The following AGGF1 variants were observed in gnomAD, a reference collection of about 807,000 sequenced individuals.
AGGF1 encodes the protein angiogenic factor with G patch and FHA domains 1.
Under a neutral mutation model 86.5 loss-of-function variants are expected in AGGF1, and 56 were observed. The observed-to-expected ratio is 0.65, with a 90% confidence interval of 0.52 to 0.81. The LOEUF is 0.81. Ranked by LOEUF, AGGF1 falls within the 30% of genes least tolerant of loss-of-function variation. The probability of loss-of-function intolerance (pLI) is 0.00; values close to 1 mark genes in which losing one functional copy is unlikely to be tolerated. For missense variants in AGGF1, 816 were observed against 850.9 expected (o/e 0.96, Z 0.51); for synonymous variants, 313 against 297.1 (o/e 1.05, Z -0.55).
chr5:77,037,083 A>G (rs1190299251), intron 4 of AGGF1, among the ~76,000 whole-genome samples: 1 of 152,220 alleles, frequency 6.6e-6, no homozygotes, highest in African/African-American at 2.4e-5. Flanking sequence ...ACTCAAAACT[A>G]TTTGACAGAA....
At chr5:77,050,117 T>A (rs1050909662) in intron 8 of AGGF1, among the ~76,000 whole-genome samples, 1 of 152,042 alleles carries the variant, frequency 6.6e-6, no homozygotes, top group Non-Finnish European at 1.5e-5. Flanking sequence ...GAAAAAGTCC[T>A]CTTAATTTTA....
chr5:77,060,628 T>A (rs921864204), intron 12 of AGGF1, among the ~76,000 whole-genome samples: 2 of 152,204 alleles, frequency 1.3e-5, no homozygotes, highest in African/African-American at 4.8e-5. Flanking sequence ...CATGTAGAAC[T>A]GATAACTAAT....
At position 77,030,995 on chromosome 5, in the gene AGGF1, C is replaced by T. The variant is rs1473004600; in HGVS notation, c.210+19C>T. 1.2e-6 allele frequency: 2 copies of T among 1,610,422 alleles called. No individual in the cohort carries two copies. The highest frequency in any genetic ancestry group is 2.7e-5 in the African/African-American group (2 of 74,930). ...CACGCAGGTGCGCGGTCCTCCTCAGCCCCGCGCCCCATCCAGCCCAGGCGA... is the reference window on the plus strand; with the variant it reads ...CACGCAGGTGCGCGGTCCTCCTCAGTCCCGCGCCCCATCCAGCCCAGGCGA... On this transcript the variant is annotated intron_variant, in intron 1 of 13. Transcript: ENST00000312916.
intron 9 of AGGF1, among the ~76,000 whole-genome samples, chr5:77,053,672 A>G (rs1233192698): frequency 6.6e-6 from 1 of 152,114 alleles, no homozygotes; most frequent in East Asian, 1.9e-4. Context: ...TGTGATGATT[A>G]TATGTTTTGG....
Position 77,030,510 on chromosome 5 carries a change from A to G in AGGF1, c.-257A>G. The G allele has an allele frequency of 1.5e-6, 1 of 662,890 alleles. No individual in the cohort carries two copies. The highest frequency in any genetic ancestry group is 2.8e-6 in the Non-Finnish European group (1 of 360,234). 41.1% of individuals were successfully genotyped at this position (662,890 alleles called of 1,614,324 possible). ...CTCTGTCTCTGTAGCTGGAGAAGGT[A>G]GTTTCCAGGAAAGTTTTCCGGTTTG... On this transcript the variant is annotated 5_prime_UTR_variant, in exon 1 of 14. Transcript: ENST00000312916.
chr5:77,059,462 A>G (rs75166826), intron 11 of AGGF1, among the ~76,000 whole-genome samples, 154 bp from the exon 12 acceptor site: 18,713 of 152,182 alleles, frequency 0.12, 1,251 homozygotes, highest in East Asian at 0.28. Context: ...GATTATAGGC[A>G]TGAGCCACCT....
At chr5:77,060,530 A>T (rs1747538054) in intron 12 of AGGF1, among the ~76,000 whole-genome samples, 1 of 152,230 alleles carries the variant, frequency 6.6e-6, no homozygotes, top group South Asian at 2.1e-4. Context: ...GGTTTGTAAT[A>T]TGACCGTATT....
At chr5:77,057,640 C>T (rs962230851) in intron 11 of AGGF1, among the ~76,000 whole-genome samples, 12 of 152,154 alleles carry the variant, frequency 7.9e-5, no homozygotes, top group African/African-American at 2.9e-4. Flanking sequence ...TGACAGAAGC[C>T]TAGGATTTAT....
intron 13 of AGGF1, 106 bp from the exon 14 acceptor site, chr5:77,062,946 A>T: frequency 8.5e-7 from 1 of 1,175,338 alleles, no homozygotes; most frequent in South Asian, 1.3e-5. Flanking sequence ...TTTCTTTTGC[A>T]TCAATCTTTA....
intron 12 of AGGF1, among the ~76,000 whole-genome samples, chr5:77,061,106 A>T (rs1236949484): frequency 1.3e-5 from 2 of 152,214 alleles, no homozygotes; most frequent in Non-Finnish European, 2.9e-5. Context: ...TACACAAATT[A>T]TAAGTATATA....
In AGGF1 at chr5:77,063,620, A is replaced by G. The variant is rs1343897746; in HGVS notation, c.*368A>G. On this transcript the variant is annotated 3_prime_UTR_variant, in exon 14 of 14. Coordinates refer to ENST00000312916, the MANE Select transcript of AGGF1 (RefSeq NM_018046.5). ...GTCTCCATATATTCATGTAAGATGC[A>G]CAACAAAAGAAACATCAGAAGTTTA... The G allele has an allele frequency of 4.7e-6, 1 of 211,870 alleles. No homozygotes were observed. The highest frequency in any genetic ancestry group is 2.4e-5 in the African/African-American group (1 of 42,206). 13.1% of individuals were successfully genotyped at this position (211,870 alleles called of 1,614,324 possible).
chr5:77,061,642 A>G (rs1325475384), intron 12 of AGGF1, 61 bp from the exon 13 acceptor site: 2 of 1,488,976 alleles, frequency 1.3e-6, no homozygotes, highest in Non-Finnish European at 1.9e-6. Context: ...TCATGAATTT[A>G]TTATAAATGT....
intron 1 of AGGF1, among the ~76,000 whole-genome samples, chr5:77,033,047 C>G (rs143474248): frequency 6.6e-6 from 1 of 152,212 alleles, no homozygotes; most frequent in Non-Finnish European, 1.5e-5. Context: ...CATCTGTCCT[C>G]CACATGCCTC....
chr5:77,059,888 C>A, intron 12 of AGGF1, 145 bp downstream of exon 12: 1 of 1,082,870 alleles, frequency 9.2e-7, no homozygotes, highest in Non-Finnish European at 1.4e-6. Flanking sequence ...GTCGCCCAGG[C>A]TGGAGTGCAG....
At chr5:77,054,180 C>T in intron 10 of AGGF1, 50 bp downstream of exon 10, 1 of 1,605,362 alleles carries the variant, frequency 6.2e-7, no homozygotes, top group Non-Finnish European at 8.5e-7. Context: ...TCTTTCATTA[C>T]CTAAATGTTC....
intron 8 of AGGF1, 27 bp downstream of exon 8, chr5:77,049,014 G>C (rs1373503789): frequency 6.2e-7 from 1 of 1,604,670 alleles, no homozygotes; most frequent in Admixed American, 1.7e-5. Context: ...ATCAAATATA[G>C]TCCCCTAGAT....
intron 2 of AGGF1, 69 bp downstream of exon 2, chr5:77,034,589 T>G: frequency 9.1e-7 from 1 of 1,100,650 alleles, no homozygotes; most frequent in Non-Finnish European, 1.4e-6. Context: ...GCGTTTTCTT[T>G]TAATTTAAAA....
At chr5:77,053,151 A>G (rs1747404269) in intron 9 of AGGF1, among the ~76,000 whole-genome samples, 1 of 152,208 alleles carries the variant, frequency 6.6e-6, no homozygotes, top group Non-Finnish European at 1.5e-5. Flanking sequence ...AAACTGTATT[A>G]AAGGGAAAAG....
Position 77,030,712 on chromosome 5 carries a change from G to T in AGGF1, c.-55G>T, listed in dbSNP as rs1206041601. The T allele has an allele frequency of 6.5e-7, 1 of 1,533,700 alleles. No individual in the cohort carries two copies. Among genetic ancestry groups the T allele is most frequent in the South Asian group, 1.2e-5 (1 of 83,802 alleles). On this transcript the variant is annotated 5_prime_UTR_variant, in exon 1 of 14. Coordinates refer to ENST00000312916, the MANE Select transcript of AGGF1 (RefSeq NM_018046.5). ...GTGGTCTCTGGGTCCGCCGGCGTCC[G>T]TTTCGGCCTGAACGCAGCCCCTCCG... is the stretch of plus-strand genomic sequence containing the variant.
Sources: allele counts gnomAD v4.1 joint callset (sites outside exome capture counted in the v4.1 genomes callset), GRCh38; gene constraint gnomAD v4.1.1; transcripts MANE v1.5; gene names NCBI Gene and HGNC (gene_info 2026-07-23, HGNC 2026-07-21).